CD247: variants seen among roughly 807,000 people sequenced by gnomAD.
CD247 encodes T-cell surface glycoprotein CD3 zeta chain.
In CD247, 13 loss-of-function variants were observed where a neutral mutation model predicts 30.0. The ratio of observed to expected loss-of-function variants is 0.43; its 90% confidence interval spans 0.28 to 0.69. CD247 has a LOEUF of 0.69. Ranked by LOEUF, CD247 falls within the 30% of genes least tolerant of loss-of-function variation. The pLI is 0.16. For synonymous variants in CD247, 72 were observed against 80.0 expected, an observed-to-expected ratio of 0.90 and a Z score of 0.53; for missense variants, 193 against 212.6, an observed-to-expected ratio of 0.91 and a Z score of 0.57.
intron 1 of CD247, among the ~76,000 whole-genome samples, chr1:167,449,061 C>T (rs953208563): frequency 6.6e-6 from 1 of 150,606 alleles, no homozygotes; most frequent in Non-Finnish European, 1.5e-5. Context: ...AGGGGTAGCG[C>T]TTTATGAGCA....
At chr1:167,516,854 G>A (rs770819439) in intron 1 of CD247, among the ~76,000 whole-genome samples, 7 of 152,054 alleles carry the variant, frequency 4.6e-5, no homozygotes, top group African/African-American at 7.2e-5. Flanking sequence ...GGCAGCCACC[G>A]CCACCCAACA....
intron 1 of CD247, among the ~76,000 whole-genome samples, chr1:167,444,194 G>A (rs946167718): frequency 6.6e-6 from 1 of 152,098 alleles, no homozygotes; most frequent in African/African-American, 2.4e-5. Context: ...TATTTGGGTC[G>A]AGTCTTCTGA....
chr1:167,501,389 AC>A (rs895368735), intron 1 of CD247, among the ~76,000 whole-genome samples: 1 of 151,650 alleles, frequency 6.6e-6, no homozygotes, highest in Admixed American at 6.6e-5. Context: ...GGTCATACAT[AC>A]CCCACCTTCC....
intron 1 of CD247, among the ~76,000 whole-genome samples, chr1:167,475,250 C>T (rs2102055263): frequency 6.6e-6 from 1 of 152,212 alleles, no homozygotes; most frequent in South Asian, 2.1e-4. Context: ...CCTCTGTGCA[C>T]CTGTCGCACA....
intron 1 of CD247, among the ~76,000 whole-genome samples, chr1:167,471,750 G>T (rs567529004): frequency 6.6e-6 from 1 of 151,464 alleles, no homozygotes; most frequent in Admixed American, 6.6e-5. Flanking sequence ...CTACAGGCAT[G>T]AGCCACTACA....
At chr1:167,459,767 A>G (rs1558007757) in intron 1 of CD247, 1 of 152,216 alleles carries the variant, frequency 6.6e-6, no homozygotes, top group East Asian at 1.9e-4. Flanking sequence ...AAATGTGGCT[A>G]AAGTTCTGTT....
At chr1:167,456,538 CAAGTCCTT>C in intron 1 of CD247, among the ~76,000 whole-genome samples, 1 of 152,290 alleles carries the variant, frequency 6.6e-6, no homozygotes, top group East Asian at 1.9e-4. Context: ...CAGCAGAGGC[CAAGTCCTT>C]AGCAGTGTTT....
At chr1:167,432,772 C>A (rs1162631757) in intron 7 of CD247, among the ~76,000 whole-genome samples, 2 of 152,236 alleles carry the variant, frequency 1.3e-5, no homozygotes, top group African/African-American at 4.8e-5. Context: ...CTCTGGACAG[C>A]TGCTGCTCTG....
intron 1 of CD247, among the ~76,000 whole-genome samples, chr1:167,507,522 T>C (rs1655196311): frequency 6.7e-6 from 1 of 149,790 alleles, no homozygotes; most frequent in South Asian, 2.1e-4. Context: ...TGCTATTAAA[T>C]GTTCAACTCC....
At chr1:167,439,838 C>G (rs1313186871) in intron 2 of CD247, 1 of 189,224 alleles carries the variant, frequency 5.3e-6, no homozygotes, top group East Asian at 1.4e-4. Flanking sequence ...ACTGTACGTG[C>G]ATCACTCGCC....
rs945355472 is a variant in CD247, at chr1:167,460,574, C to T, written c.59-19807G>A. Among the ~76,000 whole-genome samples, 6 of 152,304 alleles carry T rather than the reference C, an allele frequency of 3.9e-5. 1 individual carries two copies. Among genetic ancestry groups the T allele is most frequent in the East Asian group, 1.9e-4 (1 of 5,182 alleles). ...CATGCCCCACTACTAACTACTCCCACGGCCTCGGCGAGTTATTTCTTCTTT... is the reference window on the plus strand; with the variant it reads ...CATGCCCCACTACTAACTACTCCCATGGCCTCGGCGAGTTATTTCTTCTTT... On this transcript the variant is annotated intron_variant, in intron 1 of 7. Transcript: ENST00000362089.
intron 2 of CD247, chr1:167,440,410 GT>G (rs1012593898): frequency 5.4e-5 from 30 of 556,072 alleles, no homozygotes; most frequent in Admixed American, 4.2e-4. Flanking sequence ...ACACTCTGAT[GT>G]GCACACATTT....
chr1:167,445,618 G>A (rs997965539), intron 1 of CD247, among the ~76,000 whole-genome samples: 7 of 152,216 alleles, frequency 4.6e-5, no homozygotes, highest in African/African-American at 1.7e-4. Context: ...GAGCCCCAGA[G>A]TGCACCCTGG....
chr1:167,482,575 C>T (rs1654017164), intron 1 of CD247, among the ~76,000 whole-genome samples: 1 of 152,226 alleles, frequency 6.6e-6, no homozygotes, highest in South Asian at 2.1e-4. Context: ...CAAGGGCTGA[C>T]TTCTAAGAGT....
intron 1 of CD247, among the ~76,000 whole-genome samples, chr1:167,444,837 T>C (rs563249835): frequency 6.6e-6 from 1 of 152,324 alleles, no homozygotes; most frequent in Admixed American, 6.5e-5. Flanking sequence ...CTGTGTATTA[T>C]GGAACTTCTC....
intron 1 of CD247, among the ~76,000 whole-genome samples, chr1:167,449,160 T>TC (rs1652241000): frequency 2.2e-5 from 3 of 139,488 alleles, no homozygotes; most frequent in African/African-American, 5.3e-5. Context: ...TTTTTTTTTT[T>TC]TTTTTTTTTT....
chr1:167,435,290 C>T (rs1401983663), intron 5 of CD247, 109 bp downstream of exon 5: 2 of 624,028 alleles, frequency 3.2e-6, no homozygotes, highest in African/African-American at 2.5e-5. Context: ...TTCCTCCAGC[C>T]CTTCCTCTGG....
chr1:167,471,945 G>A (rs980277370), intron 1 of CD247, among the ~76,000 whole-genome samples: 1 of 146,844 alleles, frequency 6.8e-6, no homozygotes, highest in Non-Finnish European at 1.5e-5. Flanking sequence ...CAATTCTCCT[G>A]CCTCAGCCTC....
chr1:167,505,470 C>A (rs1405724075), intron 1 of CD247, among the ~76,000 whole-genome samples: 1 of 152,250 alleles, frequency 6.6e-6, no homozygotes, highest in Non-Finnish European at 1.5e-5. Context: ...TTGCTGCCTG[C>A]CTGCCTGCCT....
Sources: gnomAD v4.1 joint callset for allele counts (sites outside exome capture counted in the v4.1 genomes callset) on GRCh38, gnomAD v4.1.1 for gene constraint, MANE v1.5 for transcripts, NCBI Gene and HGNC (gene_info 2026-07-23, HGNC 2026-07-21) for gene names.